The following SLCO6A1 variants were observed in gnomAD, a reference collection of about 807,000 sequenced individuals.
SLCO6A1 encodes solute carrier organic anion transporter family member 6A1.
Under a neutral mutation model 72.7 loss-of-function variants are expected in SLCO6A1, and 65 were observed. The observed-to-expected ratio is 0.89, with a 90% CI of 0.73 to 1.10. The LOEUF (loss-of-function observed/expected upper bound fraction) is 1.10. Ranked by LOEUF, SLCO6A1 falls within the 50% of genes least tolerant of loss-of-function variation. The pLI is 0.00. For missense variants in SLCO6A1, 874 were observed against 872.6 expected, an observed-to-expected ratio of 1.00 and a Z score of -0.02; for synonymous variants, 314 against 298.2, an observed-to-expected ratio of 1.05 and a Z score of -0.55.
intron 7 of SLCO6A1, among the ~76,000 whole-genome samples, chr5:102,432,211 A>G (rs1580416415): frequency 6.6e-6 from 1 of 152,032 alleles, no homozygotes. Context: ...CTGTCTTTTC[A>G]TTGGGGCATT....
At chr5:102,413,731 C>G (rs1282070360) in intron 8 of SLCO6A1, among the ~76,000 whole-genome samples, 1 of 152,122 alleles carries the variant, frequency 6.6e-6, no homozygotes, top group Non-Finnish European at 1.5e-5. Flanking sequence ...TTTCCATCAG[C>G]AGTGTATAAG....
chr5:102,415,658 C>A (rs774661735), intron 8 of SLCO6A1, among the ~76,000 whole-genome samples: 9 of 151,998 alleles, frequency 5.9e-5, no homozygotes, highest in Non-Finnish European at 1.2e-4. Flanking sequence ...GCAAAGAATT[C>A]GTGATTGATA....
intron 6 of SLCO6A1, among the ~76,000 whole-genome samples, chr5:102,458,127 G>C (rs10036226): frequency 0.64 from 96,591 of 151,702 alleles, 30,943 homozygotes; most frequent in African/African-American, 0.66. Context: ...GGGAGGGATA[G>C]CATTTGGAGA....
intron 12 of SLCO6A1, 147 bp downstream of exon 12, chr5:102,388,541 G>A: frequency 2.0e-6 from 1 of 512,236 alleles, no homozygotes; most frequent in Non-Finnish European, 3.3e-6. Context: ...TAGAGATGTG[G>A]TCTCTATTTT....
At position 102,498,952 on chromosome 5, in the gene SLCO6A1, G is replaced by T; in HGVS notation, c.-108C>A. The stretch of plus-strand genomic sequence containing the variant: ...TGGCGAGGGCGTCGGAGGACTCGGT[G>T]GCCACAAGGGGCTCTTGCCGCCCAA... On this transcript the variant is annotated 5_prime_UTR_variant, in exon 1 of 14. Transcript: ENST00000506729. 9.7e-7 allele frequency: 1 copy of T among 1,026,968 alleles called. No individual in the cohort carries two copies. Among genetic ancestry groups the T allele is most frequent in the Non-Finnish European group, 1.4e-6 (1 of 703,418 alleles). 63.6% of individuals were successfully genotyped at this position (1,026,968 alleles called of 1,614,324 possible).
intron 7 of SLCO6A1, among the ~76,000 whole-genome samples, chr5:102,422,640 T>C (rs192222081): frequency 6.6e-6 from 1 of 152,270 alleles, no homozygotes; most frequent in African/African-American, 2.4e-5. Flanking sequence ...AGACCAAACC[T>C]ATGATTGATT....
At chr5:102,425,591 C>A (rs1383742986) in intron 7 of SLCO6A1, among the ~76,000 whole-genome samples, 1 of 150,836 alleles carries the variant, frequency 6.6e-6, no homozygotes, top group Non-Finnish European at 1.5e-5. Flanking sequence ...TCAAGGAGAA[C>A]TACAAACCAC....
intron 7 of SLCO6A1, among the ~76,000 whole-genome samples, chr5:102,436,344 C>G (rs776800300): frequency 6.6e-6 from 1 of 152,158 alleles, no homozygotes; most frequent in Admixed American, 6.5e-5. Flanking sequence ...GCAAGGGTAA[C>G]TGATAAATCC....
chr5:102,467,037 A>G lies in SLCO6A1; in HGVS notation c.900-7260T>C, dbSNP rs963094516. Among the ~76,000 whole-genome samples, 3 of 152,148 alleles carry G rather than the reference A, an allele frequency of 2.0e-5. No homozygotes were observed. The South Asian group carries it at 6.2e-4, about 32-fold the overall frequency. ...TTAGTTTAATCAGATCTCAATCGTC[A>G]ATTTTTGTTTTTGTTGCAATTGTTT... On this transcript the variant is annotated intron_variant, in intron 4 of 13. Transcript: ENST00000506729.
intron 9 of SLCO6A1, among the ~76,000 whole-genome samples, chr5:102,401,060 T>TG (rs144409177): frequency 0.47 from 71,583 of 151,554 alleles, 18,597 homozygotes; most frequent in Non-Finnish European, 0.57. Flanking sequence ...CAGGGAATAT[T>TG]GGGGGGGTTA....
At chr5:102,447,522 G>A (rs1044654059) in intron 6 of SLCO6A1, among the ~76,000 whole-genome samples, 9 of 151,964 alleles carry the variant, frequency 5.9e-5, no homozygotes, top group African/African-American at 1.9e-4. Context: ...TTCGTTGGTC[G>A]TTTTTCTTAT....
At chr5:102,416,009 T>C (rs112811087) in intron 8 of SLCO6A1, among the ~76,000 whole-genome samples, 8 of 152,132 alleles carry the variant, frequency 5.3e-5, no homozygotes, top group African/African-American at 1.7e-4. Context: ...TAACGAAGTA[T>C]GATGTTACCC....
At chr5:102,427,876 T>A (rs1338389651) in intron 7 of SLCO6A1, among the ~76,000 whole-genome samples, 15 of 135,942 alleles carry the variant, frequency 1.1e-4, no homozygotes, top group African/African-American at 3.8e-4. Context: ...TTTTTTTTTT[T>A]TTTTTTTTTT....
At chr5:102,410,090 A>G (rs1194041663) in intron 9 of SLCO6A1, among the ~76,000 whole-genome samples, 1 of 152,176 alleles carries the variant, frequency 6.6e-6, no homozygotes, top group Non-Finnish European at 1.5e-5. Flanking sequence ...GAGGTAGGCA[A>G]ACAAGTGGAA....
At chr5:102,448,359 T>C (rs1328458710) in intron 6 of SLCO6A1, among the ~76,000 whole-genome samples, 1 of 152,198 alleles carries the variant, frequency 6.6e-6, no homozygotes. Flanking sequence ...TTTGGTTAGA[T>C]GGAGTGTTCC....
intron 8 of SLCO6A1, among the ~76,000 whole-genome samples, chr5:102,416,890 A>G (rs529415248): frequency 8.4e-4 from 128 of 152,290 alleles, no homozygotes; most frequent in African/African-American, 3.0e-3. Flanking sequence ...GGTTCAAACC[A>G]GAATTTTTTG....
At chr5:102,429,267 G>A (rs763144961) in intron 7 of SLCO6A1, among the ~76,000 whole-genome samples, 1 of 152,144 alleles carries the variant, frequency 6.6e-6, no homozygotes, top group Non-Finnish European at 1.5e-5. Context: ...AGTTTACTCT[G>A]TTGATAGTTT....
rs374619026 is a variant in SLCO6A1 at position 102,412,650 on chromosome 5, A to G, written c.1626+340T>C. Among the ~76,000 whole-genome samples the G allele has an allele frequency of 3.3e-5, 5 of 152,002 alleles. No homozygotes were observed. In the East Asian group the frequency reaches 7.7e-4, roughly 24 times the overall value. On this transcript the variant is annotated intron_variant, in intron 9 of 13. Coordinates refer to ENST00000506729, the MANE Select transcript of SLCO6A1 (RefSeq NM_173488.5). ...GTGGTGTGCGCCTGTAGTTTCAACT[A>G]TCCTGTAGGCTGAGGTGGGAGGATG...
At chr5:102,485,558 A>T (rs949723083) in intron 1 of SLCO6A1, among the ~76,000 whole-genome samples, 3 of 152,166 alleles carry the variant, frequency 2.0e-5, no homozygotes, top group African/African-American at 7.2e-5. Context: ...TGACAGAAAA[A>T]CCCTGACCAT....
Sources: allele counts gnomAD v4.1 joint callset (sites outside exome capture counted in the v4.1 genomes callset), GRCh38; gene constraint gnomAD v4.1.1; transcripts MANE v1.5; gene names NCBI Gene and HGNC (gene_info 2026-07-23, HGNC 2026-07-21).